The following CAMK4 variants were observed in gnomAD, a reference collection of about 807,000 sequenced individuals.
CAMK4 encodes the protein calcium/calmodulin-dependent protein kinase type IV.
CAMK4 carries 22 observed loss-of-function variants against 44.9 expected under a neutral mutation model. The observed-to-expected ratio is 0.49, with a 90% CI of 0.35 to 0.70. The LOEUF (loss-of-function observed/expected upper bound fraction) is 0.70. Ranked by LOEUF, CAMK4 falls within the 30% of genes least tolerant of loss-of-function variation. The probability of loss-of-function intolerance (pLI) is 0.01; values close to 1 mark genes in which losing one functional copy is unlikely to be tolerated. For missense variants in CAMK4, 498 were observed against 586.8 expected (o/e 0.85, Z 1.56); for synonymous variants, 218 against 215.4 (o/e 1.01, Z -0.11).
chr5:111,341,965 CA>C (rs1178586038), intron 1 of CAMK4, among the ~76,000 whole-genome samples: 4 of 151,388 alleles, frequency 2.6e-5, no homozygotes, highest in Non-Finnish European at 5.9e-5. Flanking sequence ...GAAACACATG[CA>C]AAAAACATTT....
At chr5:111,463,948 C>T (rs760501184) in intron 7 of CAMK4, among the ~76,000 whole-genome samples, 1 of 151,906 alleles carries the variant, frequency 6.6e-6, no homozygotes, top group Non-Finnish European at 1.5e-5. Context: ...TTCACACTCT[C>T]AAAAGATCCC....
At chr5:111,239,259 G>A (rs1748882337) in intron 1 of CAMK4, among the ~76,000 whole-genome samples, 1 of 152,088 alleles carries the variant, frequency 6.6e-6, no homozygotes, top group Non-Finnish European at 1.5e-5. Flanking sequence ...AACCTATGAT[G>A]CTTACGATTA....
chr5:111,312,819 T>G (rs554593136), intron 1 of CAMK4, among the ~76,000 whole-genome samples: 1 of 152,160 alleles, frequency 6.6e-6, no homozygotes, highest in African/African-American at 2.4e-5. Flanking sequence ...TATGCTCATA[T>G]GGTATCTTCT....
intron 5 of CAMK4, among the ~76,000 whole-genome samples, chr5:111,418,306 T>C (rs1182377558): frequency 3.9e-5 from 6 of 152,266 alleles, no homozygotes; most frequent in Middle Eastern, 3.4e-3. Flanking sequence ...AGACATCAAG[T>C]ACTTTACAAG....
intron 1 of CAMK4, among the ~76,000 whole-genome samples, chr5:111,276,149 T>A (rs1051057489): frequency 1.3e-5 from 2 of 152,234 alleles, no homozygotes; most frequent in Non-Finnish European, 2.9e-5. Context: ...TACTGAAGCA[T>A]TCCCTCCAGT....
At chr5:111,297,409 T>C (rs1244729857) in intron 1 of CAMK4, among the ~76,000 whole-genome samples, 4 of 152,170 alleles carry the variant, frequency 2.6e-5, no homozygotes, top group African/African-American at 7.2e-5. Flanking sequence ...TCGTCAAACC[T>C]ATTTAAGAGA....
intron 1 of CAMK4, among the ~76,000 whole-genome samples, chr5:111,305,803 A>ATTTTT (rs1747908889): frequency 7.5e-6 from 1 of 133,314 alleles, no homozygotes; most frequent in South Asian, 2.5e-4. Flanking sequence ...AAAAAAGAGA[A>ATTTTT]TTTTAGACCA....
chr5:111,380,370 T>C (rs1001691975), intron 4 of CAMK4, among the ~76,000 whole-genome samples: 1 of 152,158 alleles, frequency 6.6e-6, no homozygotes, highest in African/African-American at 2.4e-5. Flanking sequence ...ATTTAACTTT[T>C]AAGTTCAGGG....
intron 4 of CAMK4, among the ~76,000 whole-genome samples, chr5:111,390,848 A>G (rs887061048): frequency 6.6e-5 from 10 of 152,176 alleles, no homozygotes; most frequent in Non-Finnish European, 1.3e-4. Context: ...GTGAGGACCA[A>G]CTAATGACAA....
At position 111,467,788 on chromosome 5, in the gene CAMK4, G is replaced by A. The variant is rs530961077; in HGVS notation, c.626-5523G>A. ...ACTAGTACAACCACTATGGAAAACA[G>A]TGTGGAGATTCCTTAAATAACTAAA... is the stretch of plus-strand genomic sequence containing the variant. On this transcript the variant is annotated intron_variant, in intron 7 of 10. Transcript: ENST00000282356. 7.9e-5 allele frequency among the ~76,000 whole-genome samples: 12 copies of A among 152,306 alleles called. No homozygotes were observed. In the South Asian group the frequency reaches 2.3e-3, roughly 29 times the overall value.
intron 7 of CAMK4, among the ~76,000 whole-genome samples, chr5:111,465,204 G>A (rs113868797): frequency 2.5e-4 from 38 of 152,192 alleles, no homozygotes; most frequent in African/African-American, 8.7e-4. Context: ...ACTTAAGGCA[G>A]TGCTAGGAGG....
intron 5 of CAMK4, among the ~76,000 whole-genome samples, chr5:111,437,438 C>G (rs1580752059): frequency 6.6e-6 from 1 of 152,128 alleles, no homozygotes; most frequent in African/African-American, 2.4e-5. Context: ...GTGTTAGGCT[C>G]TGTGAAGGAA....
intron 7 of CAMK4, among the ~76,000 whole-genome samples, chr5:111,452,106 A>G: frequency 6.6e-6 from 1 of 152,220 alleles, no homozygotes; most frequent in East Asian, 1.9e-4. Flanking sequence ...ATGAAGGATG[A>G]GTAAGAGTTC....
intron 2 of CAMK4, 49 bp from the exon 3 acceptor site, chr5:111,374,801 A>G: frequency 8.7e-7 from 1 of 1,154,858 alleles, no homozygotes; most frequent in South Asian, 1.2e-5. Context: ...CTCTGCTACA[A>G]TGAAGGGGGG....
At chr5:111,329,808 T>A (rs769843606) in intron 1 of CAMK4, among the ~76,000 whole-genome samples, 5 of 151,366 alleles carry the variant, frequency 3.3e-5, no homozygotes, top group Non-Finnish European at 7.4e-5. Flanking sequence ...GAAAAATAAA[T>A]CTCTCAGCAA....
rs1561527142 is a variant in CAMK4 at position 111,494,519 on chromosome 5, ACTT to A, written c.*10057_*10059del. On this transcript the variant is annotated 3_prime_UTR_variant, in exon 11 of 11. Coordinates refer to ENST00000282356, the MANE Select transcript of CAMK4 (RefSeq NM_001744.6). Reference sequence around the variant, plus strand: ...GGTGGTGACTGACCAGTGAGTTTCTACTTCTTACAGATGGGACACAACAGTCAT... The same window carrying A: ...GGTGGTGACTGACCAGTGAGTTTCTACTTACAGATGGGACACAACAGTCAT... The A allele has an allele frequency of 6.6e-6, 1 of 152,116 alleles. No homozygotes were observed. The highest frequency in any genetic ancestry group is 6.6e-5 in the Admixed American group (1 of 15,252). The allele number at this position is 152,116 out of a possible 1,614,324, so 9.4% of individuals were successfully genotyped here. A position where few individuals can be genotyped will look rare whatever the true frequency, so the allele number is the denominator to read the frequency against.
intron 5 of CAMK4, among the ~76,000 whole-genome samples, chr5:111,410,532 T>C (rs1752595993): frequency 6.6e-6 from 1 of 152,166 alleles, no homozygotes. Context: ...TATTCTTTCA[T>C]TGATTGTTTA....
chr5:111,289,569 A>AT (rs1464493636), intron 1 of CAMK4, among the ~76,000 whole-genome samples: 1 of 152,222 alleles, frequency 6.6e-6, no homozygotes, highest in African/African-American at 2.4e-5. Context: ...TCAAGGCTGT[A>AT]TTTGATATTC....
At chr5:111,294,326 A>G (rs1250805755) in intron 1 of CAMK4, among the ~76,000 whole-genome samples, 1 of 152,064 alleles carries the variant, frequency 6.6e-6, no homozygotes, top group Non-Finnish European at 1.5e-5. Flanking sequence ...AGGAAAAATC[A>G]CCCCCAATTA....
Sources: allele counts gnomAD v4.1 joint callset (sites outside exome capture counted in the v4.1 genomes callset), GRCh38; gene constraint gnomAD v4.1.1; transcripts MANE v1.5; gene names NCBI Gene and HGNC (gene_info 2026-07-23, HGNC 2026-07-21).